The following ZNF581 variants were observed in gnomAD, a reference collection of about 807,000 sequenced individuals.
The protein encoded by ZNF581 is zinc finger protein 581.
ZNF581 carries 1 observed loss-of-function variant against 1.2 expected under a neutral mutation model. The observed-to-expected ratio is 0.83, with a 90% confidence interval of 0.30 to 3.95. The LOEUF (loss-of-function observed/expected upper bound fraction) is 3.95, where lower values mean the gene tolerates loss of function less well. ZNF581 is among the 30% of genes most tolerant of loss of function. The pLI is 0.18. For missense variants in ZNF581, 273 were observed against 274.6 expected (o/e 0.99, Z 0.04); for synonymous variants, 105 against 109.2 (o/e 0.96, Z 0.24).
At chr19:55,638,839 GTTATATT>G (rs1329700195), upstream of ZNF581, among the ~76,000 whole-genome samples, 3 of 151,628 alleles carry the variant, frequency 2.0e-5, no homozygotes, top group Admixed American at 2.0e-4. Flanking sequence ...ATATAAAATT[GTTATATT>G]TTATATAATA....
upstream of ZNF581, among the ~76,000 whole-genome samples, chr19:55,637,712 G>A (rs1031505729): frequency 7.2e-5 from 11 of 152,122 alleles, no homozygotes; most frequent in East Asian, 1.9e-4. Flanking sequence ...GCACTGACCT[G>A]GTGTGGGCAG....
At chr19:55,641,974 G>A, upstream of ZNF581, 1 of 921,160 alleles carries the variant, frequency 1.1e-6, no homozygotes, top group Non-Finnish European at 1.3e-6. Context: ...GAGGCCCTGC[G>A]GCATGTAGTG....
At position 55,645,210 on chromosome 19, in the gene ZNF581, GCCTGGACT is replaced by G. The variant is rs1982782084; in HGVS notation, c.*50_*57del. 6.7e-7 allele frequency: 1 copy of G among 1,481,854 alleles called. No individual in the cohort carries two copies. Among genetic ancestry groups the G allele is most frequent in the African/African-American group, 1.4e-5 (1 of 70,992 alleles). 91.8% of individuals were successfully genotyped at this position (1,481,854 alleles called of 1,614,324 possible). The stretch of plus-strand genomic sequence containing the variant: ...CAGGTACCACAGGACTTTGCAGGGA[GCCTGGACT>G]CCTGTCCAGACACCTGGTGAGAGCC... On this transcript the variant is annotated 3_prime_UTR_variant, in exon 2 of 2. Coordinates refer to ENST00000270451, the MANE Select transcript of ZNF581 (RefSeq NM_016535.4).
upstream of ZNF581, chr19:55,640,359 G>C: frequency 6.1e-6 from 6 of 985,492 alleles, no homozygotes; most frequent in Non-Finnish European, 7.2e-6. Context: ...GCTTCCAGTG[G>C]GCCCCGTGGG....
At chr19:55,635,665 G>T in exon 1 of ZNF581, 1 of 988,176 alleles carries the variant, frequency 1.0e-6, no homozygotes, top group Non-Finnish European at 1.2e-6. Context: ...CAAGATTTGA[G>T]GTGTAAATGG....
At chr19:55,638,923 T>C (rs1479005307), upstream of ZNF581, among the ~76,000 whole-genome samples, 6 of 145,178 alleles carry the variant, frequency 4.1e-5, no homozygotes, top group Admixed American at 4.4e-4. Flanking sequence ...GAGAATCACC[T>C]GAGCCCGGGA....
upstream of ZNF581, chr19:55,642,043 G>A: frequency 1.0e-6 from 1 of 986,076 alleles, no homozygotes; most frequent in Non-Finnish European, 1.2e-6. Flanking sequence ...GGCGGCAAAG[G>A]GAGGGGAAGT....
chr19:55,636,880 C>T (rs185713845), upstream of ZNF581, among the ~76,000 whole-genome samples: 129 of 152,208 alleles, frequency 8.5e-4, no homozygotes, highest in Middle Eastern at 0.02. Context: ...AAAAGCTCTC[C>T]AGATGGGAGA....
At chr19:55,639,440 T>A (rs1982309091), upstream of ZNF581, among the ~76,000 whole-genome samples, 1 of 152,134 alleles carries the variant, frequency 6.6e-6, no homozygotes, top group African/African-American at 2.4e-5. Context: ...AGAGTGAGAC[T>A]CTGTCTCAAA....
At chr19:55,637,411 C>T (rs971596394), upstream of ZNF581, among the ~76,000 whole-genome samples, 8 of 152,092 alleles carry the variant, frequency 5.3e-5, no homozygotes, top group Admixed American at 2.6e-4. Context: ...GTGGTGCGCG[C>T]CTGTAATCCC....
At chr19:55,642,713 C>T (rs1297346216), upstream of ZNF581, 1 of 1,499,150 alleles carries the variant, frequency 6.7e-7, no homozygotes, top group Non-Finnish European at 8.9e-7. Flanking sequence ...CACGGTGCAG[C>T]TGGAGGAGGA....
chr19:55,640,846 A>C, upstream of ZNF581: 1 of 985,352 alleles, frequency 1.0e-6, no homozygotes, highest in Non-Finnish European at 1.2e-6. Flanking sequence ...TCCGTTCGGG[A>C]GGTGGGAGGG....
upstream of ZNF581, chr19:55,642,728 C>T (rs1342406323): frequency 4.6e-6 from 7 of 1,512,764 alleles, no homozygotes; most frequent in Non-Finnish European, 6.2e-6. Flanking sequence ...GGAGGAGCCC[C>T]GGGGCCCGCC....
upstream of ZNF581, chr19:55,643,236 T>A (rs753645681): frequency 2.4e-5 from 20 of 834,122 alleles, no homozygotes; most frequent in Non-Finnish European, 3.0e-5. Context: ...TCGTTGCCCC[T>A]CCCTGGGCCT....
chr19:55,640,644 C>T, upstream of ZNF581: 1 of 985,452 alleles, frequency 1.0e-6, no homozygotes, highest in Non-Finnish European at 1.2e-6. Context: ...GGTCTCTGGA[C>T]CTCGGTCTCC....
Position 55,644,129 on chromosome 19 carries a change from T to A in ZNF581, c.-20+355T>A, listed in dbSNP as rs1228798003. Among the ~76,000 whole-genome samples the A allele has an allele frequency of 6.6e-6, 1 of 151,854 alleles. No homozygotes were observed. The highest frequency in any genetic ancestry group is 1.9e-4 in the East Asian group (1 of 5,158). On this transcript the variant is annotated intron_variant, in intron 1 of 1. Transcript: ENST00000270451. The surrounding 1 kb of genome is among the most constrained non-coding windows in gnomAD (Gnocchi z 4.3). ...CGGAGCCCCTGTGAATAGGCTTGGCTTGTATGGAGGGGGTCAGGAAAGGCT... is the reference window on the plus strand; with the variant it reads ...CGGAGCCCCTGTGAATAGGCTTGGCATGTATGGAGGGGGTCAGGAAAGGCT...
chr19:55,641,125 G>C (rs899891110), upstream of ZNF581: 1 of 985,060 alleles, frequency 1.0e-6, no homozygotes, highest in African/African-American at 1.7e-5. Flanking sequence ...GCCAGGGGAA[G>C]CCCGGGGCCG....
At position 55,644,736 on chromosome 19, in the gene ZNF581, T is replaced by A; in HGVS notation, c.165T>A (p.Leu55=). 6.2e-7 allele frequency: 1 copy of A among 1,614,064 alleles called. No homozygotes were observed. The highest frequency in any genetic ancestry group is 8.5e-7 in the Non-Finnish European group (1 of 1,179,982). ...CTCCAAGGCCCAACCACTACCTGCT[T>A]ATTGACACTCAGGGTGTCCCCTACA... The part of the protein sequence containing the change: ...SSPPRPNHYL[L]IDTQGVPYTV... The change falls in exon 2 of 2, where the codon CTT becomes CTA. Residue 55 remains leucine, a synonymous_variant. Transcript: ENST00000270451. The surrounding 1 kb of genome is among the most constrained non-coding windows in gnomAD (Gnocchi z 4.3).
chr19:55,642,497 C>A, upstream of ZNF581: 9 of 1,428,592 alleles, frequency 6.3e-6, no homozygotes, highest in Non-Finnish European at 8.2e-6. Context: ...CCGCTCCCAG[C>A]TGCCGCTCCA....
Sources: gnomAD v4.1 joint callset for allele counts (sites outside exome capture counted in the v4.1 genomes callset) on GRCh38, gnomAD v4.1.1 for gene constraint, Gnocchi (gnomAD v3.1) non-coding constraint, MANE v1.5 for transcripts, NCBI Gene and HGNC (gene_info 2026-07-23, HGNC 2026-07-21) for gene names.